The following KCNJ3 variants were observed in gnomAD, a reference collection of about 807,000 sequenced individuals.
KCNJ3 encodes potassium inwardly rectifying channel subfamily J member 3.
A neutral mutation model predicts 39.2 loss-of-function variants in KCNJ3; 4 were observed. That is an observed-to-expected ratio of 0.10 (90% confidence interval 0.05 to 0.23). The LOEUF (loss-of-function observed/expected upper bound fraction) is 0.23. Ranked by LOEUF, KCNJ3 falls within the 10% of genes least tolerant of loss-of-function variation. The pLI, the probability that KCNJ3 is intolerant of heterozygous loss-of-function variation, is 1.00. For missense variants in KCNJ3, 276 were observed against 634.9 expected (o/e 0.43, Z 6.08); for synonymous variants, 230 against 237.4 (o/e 0.97, Z 0.29).
intron 2 of KCNJ3, among the ~76,000 whole-genome samples, chr2:154,730,224 G>A (rs949606588): frequency 1.3e-5 from 2 of 152,018 alleles, no homozygotes; most frequent in African/African-American, 4.8e-5. Context: ...GCATTGGTCA[G>A]AACAACTTCC....
At chr2:154,845,558 C>G (rs1013754306) in intron 2 of KCNJ3, among the ~76,000 whole-genome samples, 2 of 152,146 alleles carry the variant, frequency 1.3e-5, no homozygotes, top group Admixed American at 6.5e-5. Context: ...ATTTAGGTAG[C>G]TATTGCTTTC....
chr2:154,776,519 A>T (rs1686338364), intron 2 of KCNJ3, among the ~76,000 whole-genome samples: 1 of 152,174 alleles, frequency 6.6e-6, no homozygotes, highest in Non-Finnish European at 1.5e-5. Flanking sequence ...CAACTATTTC[A>T]TGGTAATTTT....
chr2:154,835,569 T>C (rs1335841104), intron 2 of KCNJ3, among the ~76,000 whole-genome samples: 3 of 151,244 alleles, frequency 2.0e-5, no homozygotes, highest in Admixed American at 2.0e-4. Flanking sequence ...GTGGATAAGT[T>C]TGGCCACAAC....
chr2:154,804,277 A>C (rs550892607), intron 2 of KCNJ3, among the ~76,000 whole-genome samples: 85 of 152,124 alleles, frequency 5.6e-4, no homozygotes, highest in Non-Finnish European at 1.0e-3. Context: ...GGTGTACAAA[A>C]TGTCTGTAAG....
intron 1 of KCNJ3, among the ~76,000 whole-genome samples, chr2:154,707,478 G>T (rs1461855835): frequency 6.6e-6 from 1 of 152,062 alleles, no homozygotes; most frequent in Non-Finnish European, 1.5e-5. Flanking sequence ...GTTATTAAAT[G>T]ATTAGGGAAT....
chr2:154,789,826 A>G (rs1316863660), intron 2 of KCNJ3, among the ~76,000 whole-genome samples: 1 of 152,118 alleles, frequency 6.6e-6, no homozygotes, highest in African/African-American at 2.4e-5. Context: ...TCTAGAGATA[A>G]TCAAGAGTTC....
chr2:154,810,451 C>T (rs1686989803), intron 2 of KCNJ3, among the ~76,000 whole-genome samples: 1 of 151,974 alleles, frequency 6.6e-6, no homozygotes, highest in Admixed American at 6.6e-5. Flanking sequence ...TTTTGGAAAA[C>T]ATTTCCTACT....
chr2:154,819,935 G>A (rs917533446), intron 2 of KCNJ3, among the ~76,000 whole-genome samples: 7 of 151,664 alleles, frequency 4.6e-5, no homozygotes, highest in Non-Finnish European at 1.0e-4. Flanking sequence ...CCTTTATGAT[G>A]AGTATGTTCA....
chr2:154,791,293 G>C (rs1408108519), intron 2 of KCNJ3, among the ~76,000 whole-genome samples: 1 of 152,064 alleles, frequency 6.6e-6, no homozygotes, highest in East Asian at 1.9e-4. Context: ...GGAAGATGGG[G>C]CGCCAAAGCT....
At chr2:154,831,314 A>AAAT (rs200750692) in intron 2 of KCNJ3, among the ~76,000 whole-genome samples, 1,549 of 152,332 alleles carry the variant, frequency 0.01, 17 homozygotes, top group South Asian at 0.021. Flanking sequence ...CATTCAAAAG[A>AAAT]AATGGAAAAG....
In KCNJ3 at chr2:154,791,331, T is replaced by C. The variant is rs538515464; in HGVS notation, c.920-63396T>C. On this transcript the variant is annotated intron_variant, in intron 2 of 2. Coordinates refer to ENST00000295101, the MANE Select transcript of KCNJ3 (RefSeq NM_002239.4). ...TGTTGGAGGTGTTAAAACTAAGTGA[T>C]AGAAACAAGTAAAGTTTGTTATTCT... Among the ~76,000 whole-genome samples, 112 of 152,086 alleles carry C rather than the reference T, an allele frequency of 7.4e-4. 2 individuals are homozygous for C. Among genetic ancestry groups the C allele is most frequent in the Non-Finnish European group, 1.5e-3 (100 of 67,998 alleles).
At chr2:154,751,684 T>G (rs760239885) in intron 2 of KCNJ3, among the ~76,000 whole-genome samples, 21 of 152,118 alleles carry the variant, frequency 1.4e-4, no homozygotes, top group Admixed American at 5.2e-4. Flanking sequence ...GCTGTCTTAA[T>G]AAAGTACCGA....
At chr2:154,781,534 C>G (rs1280715050) in intron 2 of KCNJ3, among the ~76,000 whole-genome samples, 1 of 152,086 alleles carries the variant, frequency 6.6e-6, no homozygotes. Flanking sequence ...AAACAAAGTA[C>G]GGATGCAAGA....
intron 2 of KCNJ3, among the ~76,000 whole-genome samples, chr2:154,830,531 G>GTATT (rs1278784309): frequency 6.6e-6 from 1 of 152,144 alleles, no homozygotes; most frequent in African/African-American, 2.4e-5. Context: ...CAAACTTAAT[G>GTATT]TATTTAATCT....
At chr2:154,847,074 G>A (rs1687675419) in intron 2 of KCNJ3, among the ~76,000 whole-genome samples, 2 of 152,038 alleles carry the variant, frequency 1.3e-5, no homozygotes, top group South Asian at 4.2e-4. Flanking sequence ...CAGAATATGT[G>A]GAGATTTAAA....
intron 2 of KCNJ3, among the ~76,000 whole-genome samples, chr2:154,772,970 GA>G (rs1400073685): frequency 1.3e-5 from 2 of 151,548 alleles, no homozygotes; most frequent in African/African-American, 2.4e-5. Context: ...TTTTATTCTA[GA>G]AAAAAATCAT....
intron 2 of KCNJ3, among the ~76,000 whole-genome samples, chr2:154,743,863 T>G (rs1685693976): frequency 6.6e-6 from 1 of 151,602 alleles, no homozygotes; most frequent in Non-Finnish European, 1.5e-5. Context: ...GTCTTGAACT[T>G]CCAGCACTAT....
At chr2:154,791,722 A>T (rs1686638298) in intron 2 of KCNJ3, among the ~76,000 whole-genome samples, 1 of 152,062 alleles carries the variant, frequency 6.6e-6, no homozygotes, top group Admixed American at 6.6e-5. Flanking sequence ...ATTAGTCCAC[A>T]GGGTCAAGAC....
chr2:154,850,045 A>G (rs995969759), intron 2 of KCNJ3, among the ~76,000 whole-genome samples: 3 of 21,666 alleles, frequency 1.4e-4, no homozygotes, highest in Non-Finnish European at 2.9e-4. Context: ...TTTTTTTTTT[A>G]CAAAATGTTT....
Sources: allele counts gnomAD v4.1 joint callset (sites outside exome capture counted in the v4.1 genomes callset), GRCh38; gene constraint gnomAD v4.1.1; transcripts MANE v1.5; gene names NCBI Gene and HGNC (gene_info 2026-07-23, HGNC 2026-07-21).